The following ANTXR2 variants were observed in gnomAD, a reference collection of about 807,000 sequenced individuals.
ANTXR2 encodes ANTXR cell adhesion molecule 2.
Under a neutral mutation model 73.7 loss-of-function variants are expected in ANTXR2, and 44 were observed. That is an observed-to-expected ratio of 0.60 (90% CI 0.47 to 0.77). The LOEUF (loss-of-function observed/expected upper bound fraction) is 0.77. Among genes scored for constraint, ANTXR2 ranks in the 30% least tolerant of loss-of-function variants. ANTXR2 has a pLI of 0.00. For synonymous variants in ANTXR2, 217 were observed against 205.9 expected (o/e 1.05, Z -0.46); for missense variants, 604 against 592.5 (o/e 1.02, Z -0.20).
rs1013075148 is a variant in ANTXR2, at chr4:79,993,857, C to T, written c.1042-8994G>A. Among the ~76,000 whole-genome samples, 19 of 151,532 alleles carry T rather than the reference C, an allele frequency of 1.3e-4. No individual in the cohort carries two copies. The East Asian group carries it at 1.6e-3, about 12-fold the overall frequency. ...GATAATTGCCATATATCTACTGAGT[C>T]TACCAATCTGGAACCTAAATATATC... is the stretch of plus-strand genomic sequence containing the variant. On this transcript the variant is annotated intron_variant, in intron 12 of 16. Transcript: ENST00000403729.
At chr4:80,057,855 T>C (rs969120899) in intron 3 of ANTXR2, among the ~76,000 whole-genome samples, 1 of 152,062 alleles carries the variant, frequency 6.6e-6, no homozygotes, top group Non-Finnish European at 1.5e-5. Flanking sequence ...CTTATTATAA[T>C]GTCATTTGCA....
chr4:80,065,802 T>C (rs1013807639), intron 3 of ANTXR2, among the ~76,000 whole-genome samples: 8 of 152,202 alleles, frequency 5.3e-5, no homozygotes, highest in African/African-American at 1.9e-4. Flanking sequence ...TTACCAAGAT[T>C]GTGAAGAATT....
rs72867898 is a variant in ANTXR2, at chr4:80,065,814, T to C, written c.296+3622A>G. ...TATTTACCAAGATTGTGAAGAATTA[T>C]GAGTGCTAGAAACAAAATTGTGAAA... is the stretch of plus-strand genomic sequence containing the variant. On this transcript the variant is annotated intron_variant, in intron 3 of 16. Coordinates refer to ENST00000403729, the MANE Select transcript of ANTXR2 (RefSeq NM_058172.6). Among the ~76,000 whole-genome samples the C allele has an allele frequency of 4.5e-3, 681 of 152,348 alleles. 6 individuals are homozygous for C. The highest frequency in any genetic ancestry group is 0.016 in the African/African-American group (661 of 41,578).
chr4:79,956,525 C>T (rs1196319084), intron 16 of ANTXR2, among the ~76,000 whole-genome samples: 1 of 152,082 alleles, frequency 6.6e-6, no homozygotes, highest in East Asian at 1.9e-4. Flanking sequence ...CTCTAGATCT[C>T]ATATTCTTCA....
At chr4:79,977,410 GA>G (rs1459388393) in intron 16 of ANTXR2, 23 of 1,002,836 alleles carry the variant, frequency 2.3e-5, no homozygotes, top group Non-Finnish European at 3.1e-5. Context: ...AGAATTTCTT[GA>G]AAAGGGAATG....
At chr4:79,955,085 G>A (rs1027752765) in intron 16 of ANTXR2, among the ~76,000 whole-genome samples, 3 of 152,078 alleles carry the variant, frequency 2.0e-5, no homozygotes, top group Non-Finnish European at 4.4e-5. Flanking sequence ...ACACAAGACA[G>A]CAAAATACAG....
intron 16 of ANTXR2, among the ~76,000 whole-genome samples, chr4:79,918,578 T>C (rs1263888476): frequency 6.6e-6 from 1 of 151,982 alleles, no homozygotes; most frequent in Non-Finnish European, 1.5e-5. Context: ...TGGGGAAAAA[T>C]ATCAATTAAG....
chr4:80,070,885 A>G (rs1236999528), intron 2 of ANTXR2, among the ~76,000 whole-genome samples: 2 of 151,142 alleles, frequency 1.3e-5, no homozygotes, highest in African/African-American at 2.4e-5. Flanking sequence ...AAAAAGAAGG[A>G]AAAAAAAAGC....
chr4:79,926,985 A>C (rs1156718376), intron 16 of ANTXR2, among the ~76,000 whole-genome samples: 1 of 113,522 alleles, frequency 8.8e-6, no homozygotes, highest in Non-Finnish European at 1.7e-5. Context: ...ATACGTGTGC[A>C]TATATGTGTA....
intron 16 of ANTXR2, among the ~76,000 whole-genome samples, chr4:79,943,821 G>A (rs1056239061): frequency 6.6e-6 from 1 of 151,848 alleles, no homozygotes; most frequent in Non-Finnish European, 1.5e-5. Context: ...TTTGATGTCT[G>A]GTTACTGCTT....
chr4:80,047,890 T>C (rs1442449139), intron 7 of ANTXR2, among the ~76,000 whole-genome samples: 1 of 151,744 alleles, frequency 6.6e-6, no homozygotes, highest in East Asian at 1.9e-4. Context: ...CATTCTATTT[T>C]TCTTTTCCTT....
intron 16 of ANTXR2, among the ~76,000 whole-genome samples, chr4:79,948,025 T>C (rs1485912902): frequency 6.6e-6 from 1 of 152,196 alleles, no homozygotes; most frequent in Non-Finnish European, 1.5e-5. Flanking sequence ...CCAAAACTTT[T>C]TCTTAATTAA....
intron 16 of ANTXR2, among the ~76,000 whole-genome samples, chr4:79,955,816 T>C (rs1728865956): frequency 6.6e-6 from 1 of 152,158 alleles, no homozygotes; most frequent in African/African-American, 2.4e-5. Flanking sequence ...CCCAATGCAG[T>C]GTTCTTTCCA....
intron 4 of ANTXR2, 147 bp from the exon 5 acceptor site, chr4:80,055,614 T>G: frequency 1.4e-6 from 1 of 696,572 alleles, no homozygotes; most frequent in South Asian, 1.9e-5. Flanking sequence ...ACTATTTTAT[T>G]TGAAATATGC....
intron 12 of ANTXR2, among the ~76,000 whole-genome samples, chr4:79,994,356 C>T (rs948463878): frequency 3.3e-5 from 5 of 151,976 alleles, no homozygotes; most frequent in South Asian, 2.1e-4. Flanking sequence ...AAAGACCTTA[C>T]GAATCATGCT....
intron 16 of ANTXR2, among the ~76,000 whole-genome samples, chr4:79,937,750 C>A (rs572686384): frequency 2.7e-4 from 41 of 152,136 alleles, no homozygotes; most frequent in African/African-American, 9.4e-4. Context: ...GGAACAGCTC[C>A]GGTCTACAGC....
chr4:80,034,726 G>A (rs1732876461), intron 8 of ANTXR2, among the ~76,000 whole-genome samples: 1 of 152,094 alleles, frequency 6.6e-6, no homozygotes, highest in Non-Finnish European at 1.5e-5. Flanking sequence ...GTTTTTGCCT[G>A]CTTAAGGCTT....
chr4:80,009,333 G>GGT (rs1731456733), intron 11 of ANTXR2, among the ~76,000 whole-genome samples: 1 of 152,224 alleles, frequency 6.6e-6, no homozygotes, highest in African/African-American at 2.4e-5. Flanking sequence ...TCACTTCATG[G>GGT]AAGTCTTCCT....
At chr4:79,925,957 T>C (rs1391617249) in intron 16 of ANTXR2, among the ~76,000 whole-genome samples, 1 of 152,132 alleles carries the variant, frequency 6.6e-6, no homozygotes, top group African/African-American at 2.4e-5. Flanking sequence ...AGACGAACTA[T>C]ACCTAACAAA....
Sources: allele counts gnomAD v4.1 joint callset (sites outside exome capture counted in the v4.1 genomes callset), GRCh38; gene constraint gnomAD v4.1.1; transcripts MANE v1.5; gene names NCBI Gene and HGNC (gene_info 2026-07-23, HGNC 2026-07-21).